Variants in EXOC6B observed in about 807,000 individuals in gnomAD.
EXOC6B encodes SEC15 homolog B.
In EXOC6B, 54 loss-of-function variants were observed where a neutral mutation model predicts 113.5. That is an observed-to-expected ratio of 0.48 (90% CI 0.38 to 0.60). The LOEUF is 0.60. Ranked by LOEUF, EXOC6B falls within the 20% of genes least tolerant of loss-of-function variation. The pLI is 0.00. For synonymous variants in EXOC6B, 357 were observed against 339.0 expected (o/e 1.05, Z -0.58); for missense variants, 797 against 977.5 (o/e 0.82, Z 2.46).
intron 18 of EXOC6B, among the ~76,000 whole-genome samples, chr2:72,456,427 C>T (rs1340284340): frequency 6.6e-6 from 1 of 152,112 alleles, no homozygotes; most frequent in Non-Finnish European, 1.5e-5. Flanking sequence ...TCCATAAAAA[C>T]TTACTATGCA....
chr2:72,436,210 A>G (rs191465547), intron 18 of EXOC6B, among the ~76,000 whole-genome samples: 104 of 152,316 alleles, frequency 6.8e-4, no homozygotes, highest in African/African-American at 2.4e-3. Flanking sequence ...TTCTTTAAAA[A>G]TGTTGAATAT....
intron 6 of EXOC6B, among the ~76,000 whole-genome samples, chr2:72,632,527 A>T (rs1672539085): frequency 1.3e-5 from 2 of 152,120 alleles, no homozygotes; most frequent in African/African-American, 2.4e-5. Context: ...TAAAACCTGG[A>T]AATAATATAA....
At chr2:72,520,091 G>T (rs1462984312) in intron 8 of EXOC6B, among the ~76,000 whole-genome samples, 1 of 152,130 alleles carries the variant, frequency 6.6e-6, no homozygotes, top group Non-Finnish European at 1.5e-5. Context: ...ATCTCCATCT[G>T]ATATTGTTTA....
intron 20 of EXOC6B, among the ~76,000 whole-genome samples, chr2:72,267,545 T>C (rs1198931328): frequency 6.6e-6 from 1 of 152,232 alleles, no homozygotes; most frequent in Non-Finnish European, 1.5e-5. Flanking sequence ...TCTGTTTATA[T>C]GCTGGATTAC....
intron 6 of EXOC6B, among the ~76,000 whole-genome samples, chr2:72,668,511 C>G (rs1203412824): frequency 2.0e-5 from 3 of 151,572 alleles, no homozygotes; most frequent in Non-Finnish European, 4.4e-5. Context: ...AAAATGGAGT[C>G]AACCTAGGTG....
At chr2:72,737,788 G>A (rs1174223827) in intron 2 of EXOC6B, among the ~76,000 whole-genome samples, 1 of 151,986 alleles carries the variant, frequency 6.6e-6, no homozygotes, top group Non-Finnish European at 1.5e-5. Flanking sequence ...GGAAGCACAG[G>A]TTGCAGTGAA....
At chr2:72,399,773 G>A (rs1455190910) in intron 18 of EXOC6B, among the ~76,000 whole-genome samples, 1 of 151,772 alleles carries the variant, frequency 6.6e-6, no homozygotes, top group East Asian at 1.9e-4. Context: ...AAAAAACCTT[G>A]TGTCATAGAT....
Position 72,515,486 on chromosome 2 carries a change from C to T in EXOC6B, c.916-360G>A, listed in dbSNP as rs1558752720. On this transcript the variant is annotated intron_variant, in intron 8 of 21. Coordinates refer to ENST00000272427, the MANE Select transcript of EXOC6B (RefSeq NM_015189.3). ...AAGAAAATGCTCCTTAAAAAACTCA[C>T]AGAACATTCCAGAAGAAAAACATCA... 15 of 1,047,782 alleles carry T rather than the reference C, an allele frequency of 1.4e-5. No individual in the cohort carries two copies. In the South Asian group the frequency reaches 5.0e-4, roughly 35 times the overall value. The allele number at this position is 1,047,782 out of a possible 1,614,324, so 64.9% of individuals were successfully genotyped here. A position where few individuals can be genotyped will look rare whatever the true frequency, so the allele number is the denominator to read the frequency against.
At chr2:72,553,494 T>C (rs1230010856) in intron 8 of EXOC6B, among the ~76,000 whole-genome samples, 1 of 152,044 alleles carries the variant, frequency 6.6e-6, no homozygotes, top group African/African-American at 2.4e-5. Flanking sequence ...GCTAATGCAA[T>C]TTTAAAGAAG....
At chr2:72,381,212 T>A (rs576865311) in intron 18 of EXOC6B, among the ~76,000 whole-genome samples, 2 of 152,308 alleles carry the variant, frequency 1.3e-5, no homozygotes, top group East Asian at 3.9e-4. Flanking sequence ...ATGTAGGTCC[T>A]TCTGCAACTT....
intron 1 of EXOC6B, among the ~76,000 whole-genome samples, chr2:72,783,318 C>CTTTTTTTTTTTTTTTTTTTTT (rs70963146): frequency 3.1e-4 from 19 of 60,394 alleles, no homozygotes; most frequent in Admixed American, 5.3e-4. Context: ...TTTTTCTTTT[C>CTTTTTTTTTTTTTTTTTTTTT]TTTTTTTTTT....
At chr2:72,600,029 T>TA (rs1670312510) in intron 6 of EXOC6B, among the ~76,000 whole-genome samples, 1 of 152,196 alleles carries the variant, frequency 6.6e-6, no homozygotes, top group Non-Finnish European at 1.5e-5. Context: ...ATTTTGTGAC[T>TA]ATTGACAAAC....
At chr2:72,252,909 A>G (rs1683118455) in intron 20 of EXOC6B, among the ~76,000 whole-genome samples, 1 of 152,176 alleles carries the variant, frequency 6.6e-6, no homozygotes, top group South Asian at 2.1e-4. Context: ...ACTGGAAAAG[A>G]GCTTTAGAAG....
intron 18 of EXOC6B, among the ~76,000 whole-genome samples, chr2:72,422,966 A>G (rs1694990093): frequency 6.6e-6 from 1 of 152,180 alleles, no homozygotes; most frequent in Admixed American, 6.5e-5. Context: ...AGGCTGCCCG[A>G]GCCAGCATTG....
chr2:72,293,829 T>G (rs745312320), intron 20 of EXOC6B, among the ~76,000 whole-genome samples: 2 of 152,132 alleles, frequency 1.3e-5, no homozygotes, highest in Non-Finnish European at 2.9e-5. Context: ...ATCATACATC[T>G]GTTGAAATAC....
chr2:72,719,204 G>C (rs1461836410), intron 5 of EXOC6B, among the ~76,000 whole-genome samples: 1 of 152,108 alleles, frequency 6.6e-6, no homozygotes, highest in African/African-American at 2.4e-5. Context: ...TGAGATGAGG[G>C]GCTGACACAA....
At chr2:72,434,516 C>T (rs1211751337) in intron 18 of EXOC6B, among the ~76,000 whole-genome samples, 2 of 152,152 alleles carry the variant, frequency 1.3e-5, no homozygotes, top group Non-Finnish European at 2.9e-5. Flanking sequence ...TAGAATTTGG[C>T]TGTGAATCCG....
chr2:72,824,460 G>C (rs1665492783), intron 1 of EXOC6B, among the ~76,000 whole-genome samples: 1 of 152,098 alleles, frequency 6.6e-6, no homozygotes, highest in Non-Finnish European at 1.5e-5. Flanking sequence ...AGAGACAAAA[G>C]GCAAACTACT....
chr2:72,574,398 C>T (rs921711056), intron 7 of EXOC6B, among the ~76,000 whole-genome samples: 1 of 152,080 alleles, frequency 6.6e-6, no homozygotes, highest in Non-Finnish European at 1.5e-5. Flanking sequence ...TTGTGAAATC[C>T]TATGGGGTAG....
Sources: gnomAD v4.1 joint callset for allele counts (sites outside exome capture counted in the v4.1 genomes callset) on GRCh38, gnomAD v4.1.1 for gene constraint, MANE v1.5 for transcripts, NCBI Gene and HGNC (gene_info 2026-07-23, HGNC 2026-07-21) for gene names.